The following GPC5 variants were observed in gnomAD, a reference collection of about 807,000 sequenced individuals.
GPC5 encodes the protein glypican-5.
Under a neutral mutation model 53.9 loss-of-function variants are expected in GPC5, and 47 were observed. The observed-to-expected ratio is 0.87, with a 90% CI of 0.69 to 1.11. The LOEUF is 1.11. Ranked by LOEUF, GPC5 falls within the 50% of genes most tolerant of loss-of-function variation. GPC5 has a pLI of 0.00. For missense variants in GPC5, 748 were observed against 713.1 expected, an observed-to-expected ratio of 1.05 and a Z score of -0.56; for synonymous variants, 286 against 263.3, an observed-to-expected ratio of 1.09 and a Z score of -0.84.
At chr13:91,509,849 A>C (rs920069944) in intron 2 of GPC5, among the ~76,000 whole-genome samples, 9 of 152,138 alleles carry the variant, frequency 5.9e-5, no homozygotes, top group African/African-American at 2.2e-4. Context: ...TTGAGTACAC[A>C]AGATTACTCT....
intron 7 of GPC5, among the ~76,000 whole-genome samples, chr13:92,772,479 G>A (rs1402450019): frequency 2.0e-5 from 3 of 152,124 alleles, no homozygotes; most frequent in African/African-American, 7.2e-5. Context: ...AGATATCCTG[G>A]TGTTATTTTT....
Position 91,984,079 on chromosome 13 carries a change from G to A in GPC5, c.1401+76022G>A, listed in dbSNP as rs74911158. ...TGTGCTCCACCCGAACAACATATTT[G>A]TCAAAGTAATTTCTCTTAAGTCAAT... On this transcript the variant is annotated intron_variant, in intron 6 of 7. Coordinates refer to ENST00000377067, the MANE Select transcript of GPC5 (RefSeq NM_004466.6). Among the ~76,000 whole-genome samples the A allele has an allele frequency of 7.4e-3, 1,122 of 152,160 alleles. 14 individuals carry two copies. The highest frequency in any genetic ancestry group is 0.025 in the African/African-American group (1,040 of 41,508).
intron 2 of GPC5, among the ~76,000 whole-genome samples, chr13:91,567,533 T>A (rs1235537433): frequency 1.3e-5 from 2 of 150,598 alleles, no homozygotes; most frequent in East Asian, 3.9e-4. Context: ...TCAGGAGAGG[T>A]TTTTTAATAG....
Position 92,640,876 on chromosome 13 carries a change from A to C in GPC5, c.1562-225406A>C, listed in dbSNP as rs1202236360. 2.0e-5 allele frequency among the ~76,000 whole-genome samples: 3 copies of C among 152,054 alleles called. No individual in the cohort carries two copies. In the East Asian group the frequency reaches 5.9e-4, roughly 30 times the overall value. ...ATTATTCATCTATTATAATAACCAA[A>C]CAAACAGATATATGCATACATAAAT... On this transcript the variant is annotated intron_variant, in intron 7 of 7. Transcript: ENST00000377067.
intron 5 of GPC5, among the ~76,000 whole-genome samples, chr13:91,847,403 T>G (rs2038863760): frequency 6.6e-6 from 1 of 151,756 alleles, no homozygotes; most frequent in Non-Finnish European, 1.5e-5. Context: ...ATAAGAAAAA[T>G]TATGGGCTTT....
chr13:92,109,038 T>C (rs965599595), intron 6 of GPC5, among the ~76,000 whole-genome samples: 2 of 151,288 alleles, frequency 1.3e-5, no homozygotes, highest in African/African-American at 2.4e-5. Context: ...TGTAGCGCCT[T>C]CTATGTATGT....
At chr13:92,170,609 G>A (rs9523524) in intron 7 of GPC5, among the ~76,000 whole-genome samples, 3 of 151,652 alleles carry the variant, frequency 2.0e-5, no homozygotes, top group African/African-American at 7.3e-5. Flanking sequence ...ATTTTTAGTA[G>A]AAACGGGGTT....
At chr13:92,738,288 G>C (rs1888993448) in intron 7 of GPC5, among the ~76,000 whole-genome samples, 1 of 151,804 alleles carries the variant, frequency 6.6e-6, no homozygotes, top group Non-Finnish European at 1.5e-5. Flanking sequence ...ATCCTTAATA[G>C]GTACAATTCT....
chr13:92,099,326 C>T (rs866517606), intron 6 of GPC5, among the ~76,000 whole-genome samples: 7 of 152,298 alleles, frequency 4.6e-5, no homozygotes, highest in Admixed American at 1.3e-4. Context: ...CTGCTACCCA[C>T]TCCAGCATCA....
At chr13:92,763,230 T>C (rs922150665) in intron 7 of GPC5, among the ~76,000 whole-genome samples, 2 of 152,208 alleles carry the variant, frequency 1.3e-5, no homozygotes, top group African/African-American at 4.8e-5. Flanking sequence ...AGAACAATCA[T>C]CTCTTCCAAA....
intron 7 of GPC5, among the ~76,000 whole-genome samples, chr13:92,315,963 A>G (rs2043176532): frequency 1.3e-5 from 2 of 152,162 alleles, no homozygotes; most frequent in South Asian, 2.1e-4. Context: ...AATAAAAGAG[A>G]AAAGAATAAG....
chr13:91,926,694 G>A (rs1361222517), intron 6 of GPC5, among the ~76,000 whole-genome samples: 1 of 152,166 alleles, frequency 6.6e-6, no homozygotes, highest in African/African-American at 2.4e-5. Context: ...GTCAAGGAGT[G>A]GGGAATTATA....
chr13:92,201,416 T>G lies in GPC5; in HGVS notation c.1561+56427T>G, dbSNP rs142083296. Reference sequence around the variant, plus strand: ...TGATACTACAAGTGTTGGGTTCAACTGTCATAGAAGATATCTTTAAAACAG... The same window carrying G: ...TGATACTACAAGTGTTGGGTTCAACGGTCATAGAAGATATCTTTAAAACAG... On this transcript the variant is annotated intron_variant, in intron 7 of 7. Coordinates refer to ENST00000377067, the MANE Select transcript of GPC5 (RefSeq NM_004466.6). Among the ~76,000 whole-genome samples the G allele has an allele frequency of 2.2e-4, 33 of 152,356 alleles. 1 individual carries two copies. The East Asian group carries it at 6.4e-3, about 29-fold the overall frequency.
intron 7 of GPC5, among the ~76,000 whole-genome samples, chr13:92,362,692 G>C (rs2043578044): frequency 6.6e-6 from 1 of 151,764 alleles, no homozygotes; most frequent in Admixed American, 6.5e-5. Flanking sequence ...AGGAACCCAA[G>C]TGCAAGTCTT....
rs545308616 is a variant in GPC5, at chr13:91,613,276, G to A, written c.326-79911G>A. ...GCTGGGGAGGTCTCACAATCATGGTGGAAGGTGAAAGGCATGTCTCACATG... is the reference window on the plus strand; with the variant it reads ...GCTGGGGAGGTCTCACAATCATGGTAGAAGGTGAAAGGCATGTCTCACATG... On this transcript the variant is annotated intron_variant, in intron 2 of 7. Coordinates refer to ENST00000377067, the MANE Select transcript of GPC5 (RefSeq NM_004466.6). Among the ~76,000 whole-genome samples the A allele has an allele frequency of 2.6e-5, 4 of 152,278 alleles. No individual in the cohort carries two copies. In the South Asian group the frequency reaches 8.3e-4, roughly 32 times the overall value.
At chr13:91,657,478 G>A (rs927426976) in intron 2 of GPC5, among the ~76,000 whole-genome samples, 5 of 151,978 alleles carry the variant, frequency 3.3e-5, no homozygotes, top group African/African-American at 4.8e-5. Flanking sequence ...AGTGGGTTGC[G>A]GATTCTATGG....
intron 5 of GPC5, 92 bp from the exon 6 acceptor site, chr13:91,907,845 A>G: frequency 3.8e-6 from 5 of 1,312,258 alleles, no homozygotes; most frequent in East Asian, 2.5e-5. Context: ...TCTCTAAAGG[A>G]GGAAATTCCG....
At chr13:91,541,427 A>G (rs1009820391) in intron 2 of GPC5, among the ~76,000 whole-genome samples, 10 of 152,260 alleles carry the variant, frequency 6.6e-5, no homozygotes, top group South Asian at 2.1e-4. Context: ...TATAAACTGC[A>G]TTCTTAGATA....
chr13:92,031,687 AG>A (rs1366343010), intron 6 of GPC5, among the ~76,000 whole-genome samples: 1 of 82,884 alleles, frequency 1.2e-5, no homozygotes, highest in Non-Finnish European at 2.3e-5. Flanking sequence ...ATATATATAT[AG>A]TATATATAAT....
Sources: allele counts gnomAD v4.1 joint callset (sites outside exome capture counted in the v4.1 genomes callset), GRCh38; gene constraint gnomAD v4.1.1; transcripts MANE v1.5; gene names NCBI Gene and HGNC (gene_info 2026-07-23, HGNC 2026-07-21).